The following MSI2 variants were observed in gnomAD, a reference collection of about 807,000 sequenced individuals.
The protein encoded by MSI2 is RNA-binding protein Musashi homolog 2.
In MSI2, 17 loss-of-function variants were observed where a neutral mutation model predicts 45.6. That is an observed-to-expected ratio of 0.37 (90% CI 0.26 to 0.56). The LOEUF (loss-of-function observed/expected upper bound fraction) is 0.56. MSI2 is among the 20% of genes least tolerant of loss of function. The pLI is 0.77. For missense variants in MSI2, 293 were observed against 444.2 expected (o/e 0.66, Z 3.06); for synonymous variants, 156 against 158.2 (o/e 0.99, Z 0.11).
intron 6 of MSI2, among the ~76,000 whole-genome samples, chr17:57,514,537 A>T (rs2086426741): frequency 3.3e-5 from 5 of 152,230 alleles, no homozygotes; most frequent in Admixed American, 3.3e-4. Flanking sequence ...CATGGCACTA[A>T]AGCAAATTGA....
At chr17:57,674,866 G>A (rs944939732) in intron 11 of MSI2, 106 bp from the exon 12 acceptor site, 61 of 1,482,862 alleles carry the variant, frequency 4.1e-5, no homozygotes, top group Middle Eastern at 1.8e-4. Flanking sequence ...TGTAATGACC[G>A]GTGCATGCCT....
chr17:57,566,413 G>T (rs918949524), intron 7 of MSI2, among the ~76,000 whole-genome samples: 1 of 152,094 alleles, frequency 6.6e-6, no homozygotes, highest in Non-Finnish European at 1.5e-5. Context: ...AGCTAAAAAA[G>T]CCATGAGAAG....
chr17:57,542,313 T>C (rs2087067548), intron 7 of MSI2, among the ~76,000 whole-genome samples: 1 of 152,350 alleles, frequency 6.6e-6, no homozygotes, highest in African/African-American at 2.4e-5. Context: ...CCTTACGTTC[T>C]TCTAGTTGGA....
chr17:57,500,238 G>A (rs2086073442), intron 6 of MSI2, among the ~76,000 whole-genome samples: 1 of 152,114 alleles, frequency 6.6e-6, no homozygotes, highest in Non-Finnish European at 1.5e-5. Flanking sequence ...CAGTCACTCA[G>A]ATCTTAAGTG....
intron 5 of MSI2, among the ~76,000 whole-genome samples, chr17:57,366,099 A>G (rs1917170572): frequency 6.6e-6 from 1 of 152,118 alleles, no homozygotes; most frequent in Non-Finnish European, 1.5e-5. Flanking sequence ...CTTAGTAGAG[A>G]CAGGGTCTTG....
chr17:57,452,625 T>A (rs1236145474), intron 6 of MSI2, among the ~76,000 whole-genome samples: 1 of 152,240 alleles, frequency 6.6e-6, no homozygotes. Flanking sequence ...AGGGAAGACC[T>A]TGTACTTGAA....
rs146795630 is a variant in MSI2, at chr17:57,267,053, C to T, written c.312+4861C>T. ...TGGTTTCTTGGCAGCTTCTCAAGGG[C>T]GAAGGGTGAGTTTTCGGCATCTGGC... On this transcript the variant is annotated intron_variant, in intron 5 of 13. Transcript: ENST00000284073. The T allele has an allele frequency of 6.5e-3, 986 of 152,538 alleles. 3 individuals carry two copies. Among genetic ancestry groups the T allele is most frequent in the Non-Finnish European group, 9.7e-3 (661 of 68,208 alleles). The allele number at this position is 152,538 out of a possible 1,614,324, so 9.4% of individuals were successfully genotyped here. A position where few individuals can be genotyped will look rare whatever the true frequency, so the allele number is the denominator to read the frequency against.
chr17:57,551,553 C>T (rs1418122038), intron 7 of MSI2, among the ~76,000 whole-genome samples: 1 of 152,114 alleles, frequency 6.6e-6, no homozygotes, highest in Admixed American at 6.5e-5. Flanking sequence ...TGCTGCATGA[C>T]GTCTGCCGAG....
chr17:57,408,506 A>G (rs2084126647), intron 6 of MSI2, among the ~76,000 whole-genome samples: 1 of 148,744 alleles, frequency 6.7e-6, no homozygotes, highest in African/African-American at 2.4e-5. Context: ...ATTTAGCTGT[A>G]TTTACTTTTT....
chr17:57,312,407 G>C (rs1912471691), intron 5 of MSI2, among the ~76,000 whole-genome samples: 1 of 152,180 alleles, frequency 6.6e-6, no homozygotes. Context: ...CTCCGGGTGG[G>C]TGCTGACCTC....
chr17:57,617,837 G>A (rs542705099), intron 9 of MSI2, among the ~76,000 whole-genome samples: 5 of 152,208 alleles, frequency 3.3e-5, no homozygotes, highest in Admixed American at 6.5e-5. Flanking sequence ...TTGGGAGGCC[G>A]AGGCAGATGG....
At chr17:57,558,539 G>A (rs1477303283) in intron 7 of MSI2, among the ~76,000 whole-genome samples, 2 of 152,256 alleles carry the variant, frequency 1.3e-5, no homozygotes, top group East Asian at 1.9e-4. Context: ...CGCTCACCGT[G>A]TGTTTTTGGA....
downstream of MSI2, among the ~76,000 whole-genome samples, chr17:57,686,323 AT>A (rs1247699507): frequency 2.6e-5 from 4 of 152,246 alleles, no homozygotes; most frequent in Non-Finnish European, 5.9e-5. Context: ...AAATAAAAAA[AT>A]AAAATAGAAA....
At chr17:57,581,735 G>A (rs756224569) in intron 7 of MSI2, among the ~76,000 whole-genome samples, 6 of 152,180 alleles carry the variant, frequency 3.9e-5, no homozygotes, top group Admixed American at 2.0e-4. Flanking sequence ...TGAAGAGCTG[G>A]TGAAATTGAA....
At chr17:57,340,228 T>C (rs1206499145) in intron 5 of MSI2, among the ~76,000 whole-genome samples, 1 of 152,236 alleles carries the variant, frequency 6.6e-6, no homozygotes, top group African/African-American at 2.4e-5. Flanking sequence ...TAGTAAGTGA[T>C]GGGCCATTGT....
At chr17:57,413,684 T>C (rs1475251636) in intron 6 of MSI2, among the ~76,000 whole-genome samples, 4 of 151,958 alleles carry the variant, frequency 2.6e-5, no homozygotes, top group Non-Finnish European at 5.9e-5. Context: ...CCTTTACATA[T>C]GATTCTAATA....
At chr17:57,608,257 C>CA (rs1383290962) in intron 8 of MSI2, 4 of 152,458 alleles carry the variant, frequency 2.6e-5, no homozygotes, top group Admixed American at 2.6e-4. Flanking sequence ...GCCACATACT[C>CA]ACGCTAGTCA....
intron 10 of MSI2, chr17:57,631,828 C>G (rs377590024): frequency 1.2e-6 from 2 of 1,613,572 alleles, no homozygotes; most frequent in African/African-American, 1.3e-5. Flanking sequence ...TTTTTATCAA[C>G]TAGCTCTTAA....
At chr17:57,487,589 A>C (rs540634680) in intron 6 of MSI2, among the ~76,000 whole-genome samples, 1 of 152,034 alleles carries the variant, frequency 6.6e-6, no homozygotes, top group African/African-American at 2.4e-5. Context: ...TCCCCTGCTC[A>C]ATACCTGGCA....
Sources: allele counts gnomAD v4.1 joint callset (sites outside exome capture counted in the v4.1 genomes callset), GRCh38; gene constraint gnomAD v4.1.1; transcripts MANE v1.5; gene names NCBI Gene and HGNC (gene_info 2026-07-23, HGNC 2026-07-21).